GALNT13: variants seen among roughly 807,000 people sequenced by gnomAD.
GALNT13 encodes the protein UDP-GalNAc:polypeptide N-acetylgalactosaminyltransferase 13.
GALNT13 carries 28 observed loss-of-function variants against 64.2 expected under a neutral mutation model. That is an observed-to-expected ratio of 0.44 (90% CI 0.32 to 0.60). The LOEUF is 0.60. GALNT13 is among the 20% of genes least tolerant of loss of function. The probability of loss-of-function intolerance (pLI) is 0.05; values close to 1 mark genes in which losing one functional copy is unlikely to be tolerated. For synonymous variants in GALNT13, 214 were observed against 224.6 expected (o/e 0.95, Z 0.42); for missense variants, 577 against 669.8 (o/e 0.86, Z 1.53).
intron 1 of GALNT13, among the ~76,000 whole-genome samples, chr2:153,877,535 A>G (rs897414425): frequency 6.6e-6 from 1 of 152,154 alleles, no homozygotes; most frequent in African/African-American, 2.4e-5. Context: ...AATTGCCTTG[A>G]TATTACAAGC....
At chr2:153,526,520 A>G in the GALNT13 span, among the ~76,000 whole-genome samples, 1 of 152,232 alleles carries the variant, frequency 6.6e-6, no homozygotes, top group African/African-American at 2.4e-5. Flanking sequence ...AAGCAGATAT[A>G]GCTTATATCA....
intron 2 of GALNT13, among the ~76,000 whole-genome samples, chr2:153,916,907 C>T (rs1321389102): frequency 1.3e-5 from 2 of 152,050 alleles, no homozygotes; most frequent in African/African-American, 4.8e-5. Context: ...AAAGATTGCT[C>T]AAAGTTAAGG....
At chr2:153,271,517 T>C in the GALNT13 span, among the ~76,000 whole-genome samples, 17 of 152,146 alleles carry the variant, frequency 1.1e-4, no homozygotes, top group South Asian at 4.1e-4. Flanking sequence ...ACATTCACAA[T>C]TGCTACAAAG....
the GALNT13 span, among the ~76,000 whole-genome samples, chr2:153,824,555 C>T: frequency 6.6e-6 from 1 of 152,102 alleles, no homozygotes; most frequent in African/African-American, 2.4e-5. Flanking sequence ...CATGAAAAAG[C>T]TGGTGGATCG....
the GALNT13 span, among the ~76,000 whole-genome samples, chr2:153,295,329 C>T: frequency 6.6e-6 from 1 of 152,136 alleles, no homozygotes; most frequent in South Asian, 2.1e-4. Context: ...CATTATAAAC[C>T]CCATTTAATA....
intron 11 of GALNT13, among the ~76,000 whole-genome samples, chr2:154,431,664 T>C (rs1918631): frequency 0.4 from 60,731 of 152,102 alleles, 12,308 homozygotes; most frequent in Admixed American, 0.51. Flanking sequence ...TGGCTGTGTC[T>C]CCACCAAAAT....
chr2:153,215,829 T>G, the GALNT13 span, among the ~76,000 whole-genome samples: 1 of 152,066 alleles, frequency 6.6e-6, no homozygotes, highest in African/African-American at 2.4e-5. Flanking sequence ...ATTTTAAAAT[T>G]TATTTTTAAA....
chr2:153,224,160 T>C, the GALNT13 span, among the ~76,000 whole-genome samples: 2 of 152,054 alleles, frequency 1.3e-5, no homozygotes, highest in African/African-American at 4.8e-5. Context: ...ATTTAAAAAT[T>C]GGGCAACTTG....
chr2:153,088,781 A>G, the GALNT13 span, among the ~76,000 whole-genome samples: 26 of 152,248 alleles, frequency 1.7e-4, no homozygotes, highest in African/African-American at 5.8e-4. Context: ...TGATACAAGA[A>G]TAGCTACTCC....
the GALNT13 span, among the ~76,000 whole-genome samples, chr2:153,123,468 AG>A: frequency 6.6e-6 from 1 of 152,232 alleles, no homozygotes; most frequent in Non-Finnish European, 1.5e-5. Flanking sequence ...GACAAGATTA[AG>A]GGTGTTAGAA....
intron 4 of GALNT13, among the ~76,000 whole-genome samples, chr2:154,174,315 AAGCTGGGGTG>A (rs920196547): frequency 6.6e-6 from 1 of 152,078 alleles, no homozygotes; most frequent in African/African-American, 2.4e-5. Flanking sequence ...ATTACAGTTT[AAGCTGGGGTG>A]AGCAGCTCTA....
the GALNT13 span, among the ~76,000 whole-genome samples, chr2:153,750,900 T>C: frequency 6.6e-6 from 1 of 151,800 alleles, no homozygotes; most frequent in Non-Finnish European, 1.5e-5. Context: ...GGTTTAGAAT[T>C]AGGTGTTTTT....
At chr2:153,166,205 A>C in the GALNT13 span, among the ~76,000 whole-genome samples, 1 of 152,172 alleles carries the variant, frequency 6.6e-6, no homozygotes, top group Non-Finnish European at 1.5e-5. Context: ...ACCTTTGTAC[A>C]ATACCTCCCC....
chr2:154,045,032 G>A (rs1699207486), intron 3 of GALNT13, among the ~76,000 whole-genome samples: 1 of 152,152 alleles, frequency 6.6e-6, no homozygotes, highest in Admixed American at 6.5e-5. Flanking sequence ...GCTGCATGGT[G>A]ACATGTCCAT....
chr2:153,656,339 T>TGTGTGTGTGTGTGCGC, the GALNT13 span, among the ~76,000 whole-genome samples: 48 of 141,574 alleles, frequency 3.4e-4, 2 homozygotes, highest in Admixed American at 2.7e-3. Context: ...TGTGTGTGTG[T>TGTGTGTGTGTGTGCGC]GCGCGCGCAC....
the GALNT13 span, among the ~76,000 whole-genome samples, chr2:153,328,970 T>A: frequency 2.0e-5 from 3 of 152,140 alleles, no homozygotes; most frequent in Non-Finnish European, 2.9e-5. Flanking sequence ...GTCTGCGAGT[T>A]GCAAAGACCG....
At chr2:153,803,658 C>T in the GALNT13 span, among the ~76,000 whole-genome samples, 1 of 147,088 alleles carries the variant, frequency 6.8e-6, no homozygotes, top group African/African-American at 2.5e-5. Flanking sequence ...CGCCACTGCA[C>T]TCCAGCCTGG....
At chr2:154,030,075 A>T (rs994934180) in intron 3 of GALNT13, among the ~76,000 whole-genome samples, 1 of 152,152 alleles carries the variant, frequency 6.6e-6, no homozygotes, top group Admixed American at 6.6e-5. Flanking sequence ...GGAGAAACAG[A>T]GAACAGGACC....
rs1686046799 is a variant in GALNT13, at chr2:153,872,628, G to GGGC, written c.-177+327_-177+328insCGG. 2.0e-5 allele frequency among the ~76,000 whole-genome samples: 2 copies of GGGC among 99,488 alleles called. 1 individual carries two copies. Among genetic ancestry groups the GGGC allele is most frequent in the Non-Finnish European group, 4.4e-5 (2 of 45,240 alleles). The allele number at this position is 99,488 out of a possible 152,430, so 65.3% of individuals were successfully genotyped here. The stretch of plus-strand genomic sequence containing the variant: ...GGTGAGTTGTTGGTGGCGGGGGGGG[G>GGGC]GGGGGGAGCGGCTCTGGCCCCCTCT... On this transcript the variant is annotated intron_variant, in intron 1 of 12. Coordinates refer to ENST00000392825, the MANE Select transcript of GALNT13 (RefSeq NM_052917.4).
Sources: allele counts gnomAD v4.1 joint callset (sites outside exome capture counted in the v4.1 genomes callset), GRCh38; gene constraint gnomAD v4.1.1; transcripts MANE v1.5; gene names NCBI Gene and HGNC (gene_info 2026-07-23, HGNC 2026-07-21).